The following LILRB2 variants were observed in gnomAD, a reference collection of about 807,000 sequenced individuals.
LILRB2 encodes leukocyte immunoglobulin-like receptor subfamily B member 2.
Under a neutral mutation model 72.7 loss-of-function variants are expected in LILRB2, and 47 were observed. That is an observed-to-expected ratio of 0.65 (90% confidence interval 0.51 to 0.82). The LOEUF (loss-of-function observed/expected upper bound fraction) is 0.82, where lower values mean the gene tolerates loss of function less well. LILRB2 is among the 40% of genes least tolerant of loss of function. The pLI is 0.00. For missense variants in LILRB2, 767 were observed against 764.8 expected, an observed-to-expected ratio of 1.00 and a Z score of -0.03; for synonymous variants, 279 against 313.7, an observed-to-expected ratio of 0.89 and a Z score of 1.17.
Position 54,276,283 on chromosome 19 carries a change from G to A in LILRB2, c.1575C>T (p.Asp525=), listed in dbSNP as rs372208415. 409 of 1,611,916 alleles carry A rather than the reference G, an allele frequency of 2.5e-4. 4 individuals are homozygous for A. In the African/African-American group the frequency reaches 4.0e-3, roughly 16 times the overall value. Residue 525 remains aspartate, a synonymous_variant, in exon 12 of 14, where the codon GAC becomes GAT. Transcript: ENST00000314446. Reference sequence around the variant, plus strand: ...ACTCACAGAGGTTTTCTTCCTGGGCGTCGGCAGCTGGGCTGGACCTGGGGG... The same window carrying A: ...ACTCACAGAGGTTTTCTTCCTGGGCATCGGCAGCTGGGCTGGACCTGGGGG... The part of the protein sequence containing the change: ...GLQWRSSPAA[D]AQEENLYAAV...
In LILRB2 at chr19:54,278,439, C is replaced by A; in HGVS notation, c.1079G>T (p.Gly360Val). The part of the protein sequence containing the change: ...QFHTFLLTKA[G>V]AADAPLRLRS... ...TAGACGGAGTGGGGCATCAGCTGCT[C>A]CCGCCTTGGTCAGAAGGAAAGTGTG... is the stretch of plus-strand genomic sequence containing the variant. Residue 360 changes from glycine (G) to valine (V), a missense_variant, in exon 7 of 14, where the codon GGA (glycine) becomes GTA (valine). Gly to Val is a moderately radical substitution (Grantham distance 109, BLOSUM62 -3). Coordinates refer to ENST00000314446, the MANE Select transcript of LILRB2 (RefSeq NM_001080978.4). The A allele has an allele frequency of 6.2e-7, 1 of 1,614,202 alleles. No individual in the cohort carries two copies. Among genetic ancestry groups the A allele is most frequent in the Non-Finnish European group, 8.5e-7 (1 of 1,180,026 alleles).
In LILRB2 at chr19:54,279,881, T is replaced by C. The variant is rs1291212628; in HGVS notation, c.265A>G (p.Thr89Ala). The change falls in exon 4 of 14, where the codon ACC (threonine) becomes GCC (alanine). Residue 89 changes from threonine to alanine, a missense_variant. Thr to Ala is a moderately conservative substitution (Grantham distance 58). This residue lies in a region of LILRB2 where 599 missense variants were observed against 568.2 expected (regional missense o/e 1.05). Coordinates refer to ENST00000314446, the MANE Select transcript of LILRB2 (RefSeq NM_001080978.4). ...CCATATCGCCCTGTGTGTTCCCAGG[T>C]GATGGATGGGATGTGGAACTGGCCG... The part of the protein sequence containing the change: ...KNGQFHIPSI[T>A]WEHTGRYGCQ... 3.1e-6 allele frequency: 5 copies of C among 1,613,760 alleles called. No individual in the cohort carries two copies. The highest frequency in any genetic ancestry group is 4.2e-6 in the Non-Finnish European group (5 of 1,179,926).
In LILRB2 at chr19:54,274,798, G is replaced by A. The variant is rs111579555; in HGVS notation, c.1679C>T (p.Thr560Ile). The part of the protein sequence containing the change: ...AAASEAPQDV[T>I]YAQLHSLTLR... ...GGTCAAGCTGTGCAGCTGGGCGTAG[G>A]TCACATCCTGGGGGGCTTCAGATGC... is the stretch of plus-strand genomic sequence containing the variant. The change falls in exon 14 of 14, where the codon ACC becomes ATC. Residue 560 changes from threonine (T) to isoleucine (I), a missense_variant. Physicochemically the swap from Thr to Ile is moderately conservative, Grantham distance 89. Around this residue, in one of 3 missense-constraint regions of LILRB2, gnomAD observed 162 missense variants for 176.7 expected, o/e 0.92. Coordinates refer to ENST00000314446, the MANE Select transcript of LILRB2 (RefSeq NM_001080978.4). 106 of 1,612,166 alleles carry A rather than the reference G, an allele frequency of 6.6e-5. 1 individual carries two copies. The African/African-American group carries it at 9.0e-4, about 14-fold the overall frequency.
Position 54,275,955 on chromosome 19 carries a change from G to T in LILRB2, c.1643C>A (p.Thr548Asn), listed in dbSNP as rs1229484009. Residue 548 changes from threonine to asparagine, a missense_variant, in exon 13 of 14, where the codon ACT becomes AAT. Thr to Asn is a moderately conservative substitution (Grantham distance 65). This residue lies in a region of LILRB2 where 162 missense variants were observed against 176.7 expected (regional missense o/e 0.92). Transcript: ENST00000314446. ...TQPEDGVEMDTRAAASEAPQD... is the reference protein window; with the variant it reads ...TQPEDGVEMDNRAAASEAPQD... ...GGGACAGGGGCGGGGTCTCACCCGAGTGTCCATCTCCACCCCATCTTCAGG... is the reference window on the plus strand; with the variant it reads ...GGGACAGGGGCGGGGTCTCACCCGATTGTCCATCTCCACCCCATCTTCAGG... The T allele has an allele frequency of 6.2e-7, 1 of 1,614,152 alleles. No homozygotes were observed. The highest frequency in any genetic ancestry group is 2.2e-5 in the East Asian group (1 of 44,886).
In LILRB2 at chr19:54,278,549, G is replaced by T. The variant is rs752148629; in HGVS notation, c.969C>A (p.Gly323=). Residue 323 remains glycine (G), a synonymous_variant, in exon 7 of 14, where the codon GGC becomes GGA. Coordinates refer to ENST00000314446, the MANE Select transcript of LILRB2 (RefSeq NM_001080978.4). ...LDILITGQIR[G]TPFISVQPGP... is the part of the protein sequence containing the mutation. The stretch of plus-strand genomic sequence containing the variant: ...CTGGCTGCACTGAGATGAAGGGTGT[G>T]CCACGGATCTGTCCTGGAGAGAAGA... The T allele has an allele frequency of 6.2e-7, 1 of 1,614,172 alleles. No individual in the cohort carries two copies. The highest frequency in any genetic ancestry group is 8.5e-7 in the Non-Finnish European group (1 of 1,180,000).
At chr19:54,275,527 T>G in intron 13 of LILRB2, 4 of 513,426 alleles carry the variant, frequency 7.8e-6, no homozygotes, top group South Asian at 6.2e-5. Context: ...GCATTTTGTC[T>G]CCCACCATGA....
Position 54,278,495 on chromosome 19 carries a change from C to G in LILRB2, c.1023G>C (p.Val341=), listed in dbSNP as rs760757345. ...GCCGCCATGACTGACACAGCAGGGT[C>G]ACGTTCTCTCCTGAGGCCACTGTGG... ...PGPTVASGEN[V]TLLCQSWRQF... is the part of the protein sequence containing the mutation. Residue 341 remains valine (V), a synonymous_variant, in exon 7 of 14, where the codon GTG becomes GTC. Transcript: ENST00000314446. 10 of 1,614,140 alleles carry G rather than the reference C, an allele frequency of 6.2e-6. No homozygotes were observed. In the South Asian group the frequency reaches 1.1e-4, roughly 18 times the overall value.
In LILRB2 at chr19:54,278,388, T is replaced by C; in HGVS notation, c.1130A>G (p.Tyr377Cys). Reference sequence around the variant, plus strand: ...AGGACTCATGGGGAATTCAGCCTGGTACTTAGGATATTCGTGTATTGATCT... The same window carrying C: ...AGGACTCATGGGGAATTCAGCCTGGCACTTAGGATATTCGTGTATTGATCT... ...RLRSIHEYPK[Y>C]QAEFPMSPVT... The change falls in exon 7 of 14, where the codon TAC (tyrosine) becomes TGC (cysteine). Residue 377 changes from tyrosine to cysteine, a missense_variant. Coordinates refer to ENST00000314446, the MANE Select transcript of LILRB2 (RefSeq NM_001080978.4). The C allele has an allele frequency of 6.2e-7, 1 of 1,614,208 alleles. No homozygotes were observed. The highest frequency in any genetic ancestry group is 8.5e-7 in the Non-Finnish European group (1 of 1,180,030).
rs1316911306 is a variant in LILRB2 at position 54,273,920 on chromosome 19, T to C, written c.*763A>G. The C allele has an allele frequency of 2.6e-5, 4 of 152,010 alleles. No individual in the cohort carries two copies. Among genetic ancestry groups the C allele is most frequent in the African/African-American group, 9.7e-5 (4 of 41,286 alleles). 9.4% of individuals were successfully genotyped at this position (152,010 alleles called of 1,614,324 possible). ...CACACACATACACACACATTTAAAA[T>C]GAGTCAGATTCTCTGATTACTCTTA... On this transcript the variant is annotated 3_prime_UTR_variant, in exon 14 of 14. Transcript: ENST00000314446.
chr19:54,277,107 G>T, intron 9 of LILRB2, 178 bp from the exon 10 acceptor site: 1 of 1,491,990 alleles, frequency 6.7e-7, no homozygotes. Flanking sequence ...GAGGGGAATC[G>T]CCTGCCCCGG....
intron 10 of LILRB2, 100 bp downstream of exon 10, chr19:54,276,707 A>G: frequency 1.3e-6 from 2 of 1,522,966 alleles, no homozygotes; most frequent in Non-Finnish European, 1.8e-6. Context: ...ATGCTGGAAC[A>G]GTTTCTCAAA....
rs781232705 is a variant in LILRB2, at chr19:54,278,297, C to T, written c.1221G>A (p.Leu407=). ...YGSLNSDPYL[L]SHPSEPLELV... ...GCTCCAGGGGCTCACTGGGGTGAGA[C>T]AGCAGGTAGGGGTCGGAGTTGAGTG... Residue 407 remains leucine, a synonymous_variant, in exon 7 of 14, where the codon CTG becomes CTA. Coordinates refer to ENST00000314446, the MANE Select transcript of LILRB2 (RefSeq NM_001080978.4). 4 of 1,614,210 alleles carry T rather than the reference C, an allele frequency of 2.5e-6. No homozygotes were observed. The highest frequency in any genetic ancestry group is 1.7e-5 in the Admixed American group (1 of 60,024).
rs780845338 is a variant in LILRB2 at position 54,280,265 on chromosome 19, T to A, written c.69A>T (p.Thr23=). ...LSLGPRTRVQ[T]GTIPKPTLWA... The stretch of plus-strand genomic sequence containing the variant: ...TGGGAGAGCTGGGGACAGACTCACC[T>A]GTCTGCACGCGGGTCCTGGGGCCCA... Residue 23 remains threonine (T), a splice_region_variant and synonymous_variant, in exon 3 of 14, where the codon ACA becomes ACT. Transcript: ENST00000314446. 124 of 1,613,894 alleles carry A rather than the reference T, an allele frequency of 7.7e-5. No individual in the cohort carries two copies. The highest frequency in any genetic ancestry group is 1.7e-4 in the Admixed American group (10 of 60,006).
rs144392004 is a variant in LILRB2 at position 54,273,934 on chromosome 19, T to C, written c.*749A>G. ...CACATTTAAAATGAGTCAGATTCTC[T>C]GATTACTCTTACGTTCATTATGTAA... On this transcript the variant is annotated 3_prime_UTR_variant, in exon 14 of 14. Transcript: ENST00000314446. 231 of 152,472 alleles carry C rather than the reference T, an allele frequency of 1.5e-3. 2 individuals carry two copies. Among genetic ancestry groups the C allele is most frequent in the South Asian group, 0.015 (73 of 4,842 alleles). 9.4% of individuals were successfully genotyped at this position (152,472 alleles called of 1,614,324 possible).
At chr19:54,278,739 A>T (rs2080385188) in intron 6 of LILRB2, 73 bp downstream of exon 6, 3 of 1,427,420 alleles carry the variant, frequency 2.1e-6, no homozygotes, top group Admixed American at 1.9e-5. Context: ...CATCCTGGCC[A>T]TCACTAATTG....
At chr19:54,274,989 G>A (rs1375227194) in intron 13 of LILRB2, 160 bp from the exon 14 acceptor site, 13 of 1,609,880 alleles carry the variant, frequency 8.1e-6, no homozygotes, top group Non-Finnish European at 1.1e-5. Flanking sequence ...AGGGAGGAGA[G>A]GCCATTTCTC....
At chr19:54,277,115 C>G (rs182896367) in intron 9 of LILRB2, 186 bp from the exon 10 acceptor site, 22,267 of 1,492,732 alleles carry the variant, frequency 0.015, 233 homozygotes, top group Non-Finnish European at 0.017. Flanking sequence ...TCGCCTGCCC[C>G]GGGCCCCCAG....
Position 54,278,510 on chromosome 19 carries a change from G to C in LILRB2, c.1008C>G (p.Ala336=), listed in dbSNP as rs199535116. ...ACAGCAGGGTCACGTTCTCTCCTGAGGCCACTGTGGGGCCTGGCTGCACTG... is the reference window on the plus strand; with the variant it reads ...ACAGCAGGGTCACGTTCTCTCCTGACGCCACTGTGGGGCCTGGCTGCACTG... ...FISVQPGPTV[A]SGENVTLLCQ... The change falls in exon 7 of 14, where the codon GCC becomes GCG. Residue 336 remains alanine (A), a synonymous_variant. Transcript: ENST00000314446. The C allele has an allele frequency of 2.2e-4, 358 of 1,614,254 alleles. No individual in the cohort carries two copies. The highest frequency in any genetic ancestry group is 2.6e-4 in the Non-Finnish European group (307 of 1,180,042).
intron 8 of LILRB2, 38 bp downstream of exon 8, chr19:54,277,851 G>A (rs1436172649): frequency 2.6e-5 from 39 of 1,504,176 alleles, no homozygotes; most frequent in Admixed American, 9.8e-5. Flanking sequence ...CCTGGGGGTC[G>A]CTGCGCTCCC....
Sources: allele counts gnomAD v4.1 joint callset, GRCh38; gene constraint gnomAD v4.1.1; regional missense constraint gnomAD v4.1.1; transcripts MANE v1.5; gene names NCBI Gene and HGNC (gene_info 2026-07-23, HGNC 2026-07-21).